The following MYCBPAP variants were observed in gnomAD, a reference collection of about 807,000 sequenced individuals.
The protein encoded by MYCBPAP is MYCBP-associated protein.
Under a neutral mutation model 106.1 loss-of-function variants are expected in MYCBPAP, and 60 were observed. The ratio of observed to expected loss-of-function variants is 0.57; its 90% CI spans 0.46 to 0.70. The LOEUF is 0.70. MYCBPAP is among the 30% of genes least tolerant of loss of function. The pLI is 0.00. For missense variants in MYCBPAP, 1,064 were observed against 1,169.3 expected, an observed-to-expected ratio of 0.91 and a Z score of 1.31; for synonymous variants, 407 against 440.6, an observed-to-expected ratio of 0.92 and a Z score of 0.95.
In MYCBPAP at chr17:50,516,578, C is replaced by A. The variant is rs761039178; in HGVS notation, c.85C>A (p.Arg29=). Residue 29 remains arginine, a synonymous_variant, in exon 2 of 19, where the codon CGG becomes AGG. Coordinates refer to ENST00000323776, the MANE Select transcript of MYCBPAP (RefSeq NM_032133.6). ...EASENVKEKK[R]AKGPEQPTPT... Reference sequence around the variant, plus strand: ...TTTCTGCTTCTCTTCAGAAAAGAAGCGGGCAAAGGGACCTGAACAACCCAC... The same window carrying A: ...TTTCTGCTTCTCTTCAGAAAAGAAGAGGGCAAAGGGACCTGAACAACCCAC... The A allele has an allele frequency of 1.2e-6, 2 of 1,613,694 alleles. No homozygotes were observed. The highest frequency in any genetic ancestry group is 2.2e-5 in the East Asian group (1 of 44,878).
intron 2 of MYCBPAP, 120 bp downstream of exon 2, chr17:50,516,817 C>A: frequency 9.4e-7 from 1 of 1,063,620 alleles, no homozygotes. Flanking sequence ...TGGAAAAACC[C>A]ACTGAACACA....
At chr17:50,514,648 C>A (rs953735380) in intron 1 of MYCBPAP, among the ~76,000 whole-genome samples, 86 of 152,058 alleles carry the variant, frequency 5.7e-4, no homozygotes, top group Non-Finnish European at 3.2e-4. Flanking sequence ...TACACTCATC[C>A]TCAGTCATGC....
At chr17:50,522,709 A>AAAAAAAAAAAAAATTATATATAT in intron 10 of MYCBPAP, 1 of 50,016 alleles carries the variant, frequency 2.0e-5, no homozygotes, top group African/African-American at 1.2e-4. Context: ...AAAAAAAAAA[A>AAAAAAAAAAAAAATTATATATAT]ATATATATAT....
rs1020728899 is a variant in MYCBPAP, at chr17:50,529,416, G to C, written c.2724+228G>C. On this transcript the variant is annotated intron_variant, in intron 18 of 18. Coordinates refer to ENST00000323776, the MANE Select transcript of MYCBPAP (RefSeq NM_032133.6). ...ACCAGGCAGGGAATGGAGGCACAGA[G>C]GCCTCAGTGAGGAGGTGACAACCCA... is the stretch of plus-strand genomic sequence containing the variant. The C allele has an allele frequency of 9.9e-6, 5 of 504,784 alleles. No individual in the cohort carries two copies. The East Asian group carries it at 1.8e-4, about 18-fold the overall frequency. 31.3% of individuals were successfully genotyped at this position (504,784 alleles called of 1,614,324 possible). A position where few individuals can be genotyped will look rare whatever the true frequency, so the allele number is the denominator to read the frequency against.
chr17:50,514,944 C>G (rs1254756117), intron 1 of MYCBPAP: 1 of 451,360 alleles, frequency 2.2e-6, no homozygotes, highest in Non-Finnish European at 4.5e-6. Flanking sequence ...TGCCATTGCC[C>G]ATGGGGTAAG....
intron 18 of MYCBPAP, 145 bp downstream of exon 18, chr17:50,529,333 C>T (rs1416464653): frequency 8.3e-6 from 6 of 719,850 alleles, no homozygotes; most frequent in East Asian, 2.7e-5. Context: ...AGACAGGCCT[C>T]ATGAATAAGG....
rs7216625 is a variant in MYCBPAP at position 50,522,089 on chromosome 17, A to T, written c.1257+8A>T. The T allele has an allele frequency of 0.74, 1,184,681 of 1,610,650 alleles. 438,282 individuals carry two copies. The highest frequency in any genetic ancestry group is 0.9 in the East Asian group (40,132 of 44,802). On this transcript the variant is annotated splice_region_variant and intron_variant, in intron 10 of 18. Coordinates refer to ENST00000323776, the MANE Select transcript of MYCBPAP (RefSeq NM_032133.6). ...AGTAATCCACAGGACAAGGTAAAAC[A>T]GCCTCCACCACACCTGCTGGGAGAG...
intron 18 of MYCBPAP, chr17:50,529,705 A>C (rs1008086361): frequency 8.8e-6 from 4 of 454,200 alleles, no homozygotes; most frequent in African/African-American, 8.0e-5. Context: ...CGCCCTTTGG[A>C]GAACAGACTC....
In MYCBPAP at chr17:50,518,730, C is replaced by CAG. The variant is rs779804299; in HGVS notation, c.652+9_652+10dup. 1.9e-6 allele frequency: 3 copies of CAG among 1,563,564 alleles called. No homozygotes were observed. The highest frequency in any genetic ancestry group is 8.6e-7 in the Non-Finnish European group (1 of 1,158,310). ...GCAGCAGGAAGCCCTCAGCGGTGAGCAGAGCAGACAGGGCTCCCGCCCGGC... is the reference window on the plus strand; with the variant it reads ...GCAGCAGGAAGCCCTCAGCGGTGAGCAGAGAGCAGACAGGGCTCCCGCCCGGC... On this transcript the variant is annotated splice_region_variant and intron_variant, in intron 5 of 18. Transcript: ENST00000323776.
chr17:50,525,219 G>C, intron 13 of MYCBPAP, 196 bp downstream of exon 13: 1 of 591,060 alleles, frequency 1.7e-6, no homozygotes, highest in Non-Finnish European at 2.9e-6. Flanking sequence ...TGCGAGGGAT[G>C]GAAATTGTAC....
chr17:50,523,066 C>A lies in MYCBPAP; in HGVS notation c.1385C>A (p.Pro462Gln), dbSNP rs146276624. 1.1e-4 allele frequency: 179 copies of A among 1,614,056 alleles called. No individual in the cohort carries two copies. In the African/African-American group the frequency reaches 2.0e-3, roughly 18 times the overall value. Residue 462 changes from proline (P) to glutamine (Q), a missense_variant, in exon 11 of 19, where the codon CCG (proline) becomes CAG (glutamine). Coordinates refer to ENST00000323776, the MANE Select transcript of MYCBPAP (RefSeq NM_032133.6). ...TATGACTGGCGACGGCAGCACCAGCCGGACACTTTCCAAGACCTTAAGAAA... is the reference window on the plus strand; with the variant it reads ...TATGACTGGCGACGGCAGCACCAGCAGGACACTTTCCAAGACCTTAAGAAA... ...IWYDWRRQHQ[P>Q]DTFQDLKKNR...
At chr17:50,526,879 C>G (rs2034481305) in intron 14 of MYCBPAP, among the ~76,000 whole-genome samples, 1 of 152,134 alleles carries the variant, frequency 6.6e-6, no homozygotes, top group East Asian at 1.9e-4. Flanking sequence ...CCACGCCAGG[C>G]CAATTTTGTA....
intron 1 of MYCBPAP, among the ~76,000 whole-genome samples, chr17:50,513,344 A>ATGTG (rs2033928565): frequency 6.6e-6 from 1 of 151,828 alleles, no homozygotes; most frequent in Non-Finnish European, 1.5e-5. Context: ...CTGAGATCAC[A>ATGTG]CCACTGCACT....
At chr17:50,530,012 T>C (rs1258008261) in intron 18 of MYCBPAP, 1 of 372,836 alleles carries the variant, frequency 2.7e-6, no homozygotes, top group African/African-American at 2.1e-5. Flanking sequence ...CTAATGTGGA[T>C]AGCTGGGGAG....
At chr17:50,528,093 C>T (rs762967681) in intron 15 of MYCBPAP, 62 bp from the exon 16 acceptor site, 27 of 1,426,856 alleles carry the variant, frequency 1.9e-5, no homozygotes, top group Non-Finnish European at 2.5e-5. Flanking sequence ...GGACCCAAGC[C>T]TCTGCAGGTT....
intron 1 of MYCBPAP, chr17:50,509,226 G>C: frequency 1.4e-6 from 1 of 690,338 alleles, no homozygotes; most frequent in Non-Finnish European, 2.7e-6. Flanking sequence ...GCGTCACTTA[G>C]GATTCCTGCT....
At chr17:50,525,213 A>T in intron 13 of MYCBPAP, 190 bp downstream of exon 13, 1 of 606,116 alleles carries the variant, frequency 1.6e-6, no homozygotes. Flanking sequence ...TGCGCATGCG[A>T]GGGATGGAAA....
chr17:50,528,915 A>G, intron 17 of MYCBPAP, 75 bp downstream of exon 17: 1 of 1,599,604 alleles, frequency 6.3e-7, no homozygotes, highest in East Asian at 2.2e-5. Flanking sequence ...GGGGCTGTGG[A>G]GGTGGGCATG....
chr17:50,527,184 C>T (rs768660116), intron 14 of MYCBPAP, 103 bp from the exon 15 acceptor site: 5 of 1,520,500 alleles, frequency 3.3e-6, no homozygotes, highest in Non-Finnish European at 4.5e-6. Flanking sequence ...GCATCCCCTC[C>T]TGGTTCCTGG....
Sources: allele counts gnomAD v4.1 joint callset (sites outside exome capture counted in the v4.1 genomes callset), GRCh38; gene constraint gnomAD v4.1.1; transcripts MANE v1.5; gene names NCBI Gene and HGNC (gene_info 2026-07-23, HGNC 2026-07-21).